RAD54L: variants seen among roughly 807,000 people sequenced by gnomAD.
RAD54L encodes the protein DNA repair and recombination protein RAD54-like.
A neutral mutation model predicts 91.6 loss-of-function variants in RAD54L; 74 were observed. The observed-to-expected ratio is 0.81, with a 90% confidence interval of 0.67 to 0.98. RAD54L has a LOEUF of 0.98. Among genes scored for constraint, RAD54L ranks in the 50% least tolerant of loss-of-function variants. The pLI is 0.00. For synonymous variants in RAD54L, 304 were observed against 349.7 expected, an observed-to-expected ratio of 0.87 and a Z score of 1.46; for missense variants, 887 against 945.7, an observed-to-expected ratio of 0.94 and a Z score of 0.81.
In RAD54L at chr1:46,248,147, C is replaced by A. The variant is rs1659698485; in HGVS notation, c.-259C>A. The A allele has an allele frequency of 5.1e-6, 3 of 590,116 alleles. No individual in the cohort carries two copies. The highest frequency in any genetic ancestry group is 9.2e-6 in the Non-Finnish European group (3 of 325,468). 36.6% of individuals were successfully genotyped at this position (590,116 alleles called of 1,614,324 possible). On this transcript the variant is annotated 5_prime_UTR_variant, in exon 1 of 18. Transcript: ENST00000371975. ...CACCTGCCTCCTCCCCAATCCCACA[C>A]TAATCTCTGCTTGGTCTCTTCCTCT...
Position 46,248,525 on chromosome 1 carries a change from C to T in RAD54L, c.17C>T (p.Ala6Val), listed in dbSNP as rs1269057451. Residue 6 changes from alanine (A) to valine (V), a missense_variant, in exon 2 of 18, where the codon GCT becomes GTT. Ala to Val is a moderately conservative substitution (Grantham distance 64). Coordinates refer to ENST00000371975, the MANE Select transcript of RAD54L (RefSeq NM_003579.4). Reference protein sequence around the residue: MRRSLAPSQLAKRKPE... With the variant: MRRSLVPSQLAKRKPE... ...CTCCCTTTACAGAGGAGGAGCTTGG[C>T]TCCCAGCCAGCTGGCCAAGAGAAAA... is the stretch of plus-strand genomic sequence containing the variant. 3 of 1,614,030 alleles carry T rather than the reference C, an allele frequency of 1.9e-6. No homozygotes were observed. The highest frequency in any genetic ancestry group is 1.7e-5 in the Admixed American group (1 of 60,006).
chr1:46,267,797 C>T, intron 9 of RAD54L, 188 bp downstream of exon 9: 1 of 764,560 alleles, frequency 1.3e-6, no homozygotes, highest in Non-Finnish European at 2.2e-6. Context: ...CTGAGCAACT[C>T]AGCAAAGCCC....
At chr1:46,252,580 T>C (rs1479796209) in intron 3 of RAD54L, among the ~76,000 whole-genome samples, 2 of 151,820 alleles carry the variant, frequency 1.3e-5, no homozygotes. Context: ...GAAGTTGGGA[T>C]TTTAGGCTTT....
intron 12 of RAD54L, 143 bp from the exon 13 acceptor site, chr1:46,273,212 T>C (rs1660487012): frequency 6.3e-6 from 5 of 791,040 alleles, no homozygotes; most frequent in South Asian, 5.5e-5. Context: ...CTATATCCTG[T>C]TGGAATTTGG....
intron 9 of RAD54L, among the ~76,000 whole-genome samples, chr1:46,269,447 A>G (rs1660360358): frequency 6.6e-6 from 1 of 151,856 alleles, no homozygotes; most frequent in Non-Finnish European, 1.5e-5. Context: ...AGCTGGGACA[A>G]CAGGCACACA....
Position 46,260,201 on chromosome 1 carries a change from CAT to C in RAD54L, c.407+105_407+106del, listed in dbSNP as rs1037769398. 14 of 1,532,024 alleles carry C rather than the reference CAT, an allele frequency of 9.1e-6. No homozygotes were observed. The East Asian group carries it at 1.1e-4, about 12-fold the overall frequency. The allele number at this position is 1,532,024 out of a possible 1,614,324, so 94.9% of individuals were successfully genotyped here. ...TGGTGTGATTTCTTTTTAGGATTGA[CAT>C]ATGTTTTCAGAGAGTAGATGATTGG... On this transcript the variant is annotated intron_variant, in intron 5 of 17. Coordinates refer to ENST00000371975, the MANE Select transcript of RAD54L (RefSeq NM_003579.4).
Position 46,250,121 on chromosome 1 carries a change from T to G in RAD54L, c.210+2T>G. ...CCTTGTCTGGACAGCAGTCAGCATG[T>G]AAGCCAGAACTGCAACCTGCATGTG... On this transcript the variant is annotated splice_donor_variant, in intron 3 of 17. Transcript: ENST00000371975. LOFTEE classifies it high-confidence loss of function. 1.2e-6 allele frequency: 2 copies of G among 1,614,194 alleles called. No individual in the cohort carries two copies. Among genetic ancestry groups the G allele is most frequent in the South Asian group, 2.2e-5 (2 of 91,086 alleles).
rs193127063 is a variant in RAD54L, at chr1:46,265,193, A to C, written c.892-2266A>C. 4.5e-4 allele frequency among the ~76,000 whole-genome samples: 68 copies of C among 152,002 alleles called. No individual in the cohort carries two copies. The East Asian group carries it at 0.012, about 26-fold the overall frequency. On this transcript the variant is annotated intron_variant, in intron 8 of 17. Coordinates refer to ENST00000371975, the MANE Select transcript of RAD54L (RefSeq NM_003579.4). This position sits in a 1 kb window ranked among gnomAD's most constrained non-coding sequence, Gnocchi z 4.8. ...CTAATAATTTTTTTTTTCTTAATTA[A>C]ATTTCTAGGCCAAATGCGGTGGCTT...
In RAD54L at chr1:46,277,881, T is replaced by C; in HGVS notation, c.1934T>C (p.Val645Ala). The change falls in exon 17 of 18, where the codon GTG becomes GCG. Residue 645 changes from valine (V) to alanine (A), a missense_variant. Val to Ala is a moderately conservative substitution (Grantham distance 64). Coordinates refer to ENST00000371975, the MANE Select transcript of RAD54L (RefSeq NM_003579.4). Reference protein sequence around the residue: ...QSHKKALSSCVVDEEQDVERH... With the variant: ...QSHKKALSSCAVDEEQDVERH... ...CACAAGAAGGCACTGAGCAGCTGTGTGGTGGATGAGGAGCAGGATGTAGAG... is the reference window on the plus strand; with the variant it reads ...CACAAGAAGGCACTGAGCAGCTGTGCGGTGGATGAGGAGCAGGATGTAGAG... 2 of 1,613,918 alleles carry C rather than the reference T, an allele frequency of 1.2e-6. No homozygotes were observed. The highest frequency in any genetic ancestry group is 1.7e-6 in the Non-Finnish European group (2 of 1,179,898).
At chr1:46,249,878 T>A in intron 2 of RAD54L, 122 bp from the exon 3 acceptor site, 1 of 1,047,946 alleles carries the variant, frequency 9.5e-7, no homozygotes, top group African/African-American at 1.6e-5. Flanking sequence ...GATGATACAC[T>A]ATGACATGTG....
chr1:46,271,994 G>C (rs959760286), intron 10 of RAD54L, among the ~76,000 whole-genome samples: 1 of 128,348 alleles, frequency 7.8e-6, no homozygotes, highest in African/African-American at 3.0e-5. Flanking sequence ...TTGAGACCCT[G>C]ATACAGATGT....
Position 46,261,345 on chromosome 1 carries a change from T to A in RAD54L, c.851T>A (p.Val284Asp), listed in dbSNP as rs763556600. ...GAGACCTTCCGCCTTCATGTTGGAG[T>A]CCTCCAGAAAGGAAGTGTTGGTCTG... is the stretch of plus-strand genomic sequence containing the variant. ...SYETFRLHVG[V>D]LQKGSVGLVI... The change falls in exon 8 of 18, where the codon GTC becomes GAC. Residue 284 changes from valine (V) to aspartate (D), a missense_variant. Val to Asp is a radical substitution (Grantham distance 152). Coordinates refer to ENST00000371975, the MANE Select transcript of RAD54L (RefSeq NM_003579.4). 6.2e-7 allele frequency: 1 copy of A among 1,613,894 alleles called. No homozygotes were observed. The highest frequency in any genetic ancestry group is 8.5e-7 in the Non-Finnish European group (1 of 1,179,984).
intron 3 of RAD54L, among the ~76,000 whole-genome samples, chr1:46,253,720 C>CTTTTTT (rs3063981): frequency 0.026 from 2,134 of 83,512 alleles, 374 homozygotes; most frequent in African/African-American, 0.057. Flanking sequence ...CTTAGGTACT[C>CTTTTTT]TTTTTTTTTT....
intron 2 of RAD54L, 23 bp from the exon 3 acceptor site, chr1:46,249,977 C>A (rs771689058): frequency 3.7e-6 from 6 of 1,613,164 alleles, no homozygotes; most frequent in Non-Finnish European, 5.1e-6. Flanking sequence ...CTAGACTTCA[C>A]CTTTCCCAAT....
chr1:46,270,584 T>C, intron 9 of RAD54L, 75 bp from the exon 10 acceptor site: 1 of 1,585,910 alleles, frequency 6.3e-7, no homozygotes, highest in Non-Finnish European at 8.6e-7. Context: ...TGTGAGAAGG[T>C]AGTCTGCCAT....
At chr1:46,261,209 T>G (rs547280483) in intron 7 of RAD54L, 52 bp from the exon 8 acceptor site, 157 of 1,606,624 alleles carry the variant, frequency 9.8e-5, no homozygotes, top group Non-Finnish European at 1.3e-4. Flanking sequence ...TTTTTGTTTT[T>G]TTTTTTTTCA....
chr1:46,278,428 GA>G lies in RAD54L; in HGVS notation c.*151del. 1 of 994,942 alleles carries G rather than the reference GA, an allele frequency of 1.0e-6. No homozygotes were observed. Among genetic ancestry groups the G allele is most frequent in the South Asian group, 1.5e-5 (1 of 68,424 alleles). The allele number at this position is 994,942 out of a possible 1,614,324, so 61.6% of individuals were successfully genotyped here. On this transcript the variant is annotated 3_prime_UTR_variant, in exon 18 of 18. Transcript: ENST00000371975. Reference sequence around the variant, plus strand: ...TGTTTGCCCAAAATTTATTTTATAAGAAAAACTTTTTTGGTTAAAAAAAAGA... The same window carrying G: ...TGTTTGCCCAAAATTTATTTTATAAGAAAACTTTTTTGGTTAAAAAAAAGA...
intron 16 of RAD54L, among the ~76,000 whole-genome samples, chr1:46,275,671 C>T (rs1660573173): frequency 6.6e-6 from 1 of 152,136 alleles, no homozygotes; most frequent in Non-Finnish European, 1.5e-5. Flanking sequence ...AAGCATCTAC[C>T]ATTTCTCTCA....
chr1:46,262,184 C>T (rs553576146), intron 8 of RAD54L, among the ~76,000 whole-genome samples: 7 of 151,976 alleles, frequency 4.6e-5, no homozygotes, highest in East Asian at 3.9e-4. Flanking sequence ...GAGGCTGAGG[C>T]GGGCGGATCA....
Sources: gnomAD v4.1 joint callset for allele counts (sites outside exome capture counted in the v4.1 genomes callset) on GRCh38, gnomAD v4.1.1 for gene constraint, Gnocchi (gnomAD v3.1) non-coding constraint, MANE v1.5 for transcripts, NCBI Gene and HGNC (gene_info 2026-07-23, HGNC 2026-07-21) for gene names.